The following PRPF39 variants were observed in gnomAD, a reference collection of about 807,000 sequenced individuals.
PRPF39 encodes the protein pre-mRNA-processing factor 39.
Under a neutral mutation model 82.1 loss-of-function variants are expected in PRPF39, and 27 were observed. That is an observed-to-expected ratio of 0.33 (90% CI 0.24 to 0.45). The LOEUF is 0.45. PRPF39 is among the 20% of genes least tolerant of loss of function. The pLI is 1.00. For synonymous variants in PRPF39, 261 were observed against 256.4 expected, an observed-to-expected ratio of 1.02 and a Z score of -0.17; for missense variants, 581 against 796.9, an observed-to-expected ratio of 0.73 and a Z score of 3.26.
chr14:45,102,728 T>C, intron 5 of PRPF39, 32 bp downstream of exon 5: 1 of 1,517,612 alleles, frequency 6.6e-7, no homozygotes, highest in Non-Finnish European at 9.0e-7. Context: ...TTGAAACATC[T>C]TTGATTACTC....
In PRPF39 at chr14:45,110,099, C is replaced by G. The variant is rs771901631; in HGVS notation, c.1182C>G (p.Ala394=). 6.2e-7 allele frequency: 1 copy of G among 1,613,084 alleles called. No individual in the cohort carries two copies. Among genetic ancestry groups the G allele is most frequent in the Non-Finnish European group, 8.5e-7 (1 of 1,179,340 alleles). The change falls in exon 9 of 14, where the codon GCC becomes GCG. Residue 394 remains alanine, a synonymous_variant. Transcript: ENST00000355765. This position sits in a 1 kb window ranked among gnomAD's most constrained non-coding sequence, Gnocchi z 4.0. ...TTCCTCTTTTCTGTATGTAGTATGC[C>G]AAGTACATGGAAAACCATAGCATTG... is the stretch of plus-strand genomic sequence containing the variant. The part of the protein sequence containing the change: ...ALYEEFWIKY[A]KYMENHSIEG...
At chr14:45,100,567 CT>C (rs2139051016) in intron 4 of PRPF39, among the ~76,000 whole-genome samples, 1 of 152,294 alleles carries the variant, frequency 6.6e-6, no homozygotes, top group East Asian at 1.9e-4. Context: ...ACCTTCTTGT[CT>C]TCTTCCCCTT....
intron 1 of PRPF39, among the ~76,000 whole-genome samples, chr14:45,094,165 T>G (rs1043825713): frequency 6.6e-6 from 1 of 152,120 alleles, no homozygotes; most frequent in Non-Finnish European, 1.5e-5. Flanking sequence ...AGTAAATCAG[T>G]TTTATGGTCT....
chr14:45,097,107 T>C (rs1244407660), intron 4 of PRPF39, 102 bp downstream of exon 4: 1 of 1,396,812 alleles, frequency 7.2e-7, no homozygotes, highest in Non-Finnish European at 9.3e-7. Context: ...TTAACTTCTA[T>C]TCCATTGTTA....
Position 45,116,234 on chromosome 14 carries a change from T to G in PRPF39, c.*1321T>G, listed in dbSNP as rs901207520. 6 of 1,612,728 alleles carry G rather than the reference T, an allele frequency of 3.7e-6. No individual in the cohort carries two copies. Among genetic ancestry groups the G allele is most frequent in the African/African-American group, 1.3e-5 (1 of 74,792 alleles). ...CCACTAATTCCACTTCAAAAGTGAG[T>G]TTTGCATTTGGTGGAATTCTGTTGA... On this transcript the variant is annotated 3_prime_UTR_variant, in exon 14 of 14. Transcript: ENST00000355765.
Position 45,110,539 on chromosome 14 carries a change from C to T in PRPF39, c.1304-10C>T. 1 of 1,547,552 alleles carries T rather than the reference C, an allele frequency of 6.5e-7. No homozygotes were observed. The highest frequency in any genetic ancestry group is 8.7e-7 in the Non-Finnish European group (1 of 1,143,186). ...AAACCAAAGCATAAACATTTAATTA[C>T]TGTTTCTAGGTAATATTAATGAAGC... is the stretch of plus-strand genomic sequence containing the variant. On this transcript the variant is annotated splice_polypyrimidine_tract_variant and intron_variant, in intron 9 of 13. Coordinates refer to ENST00000355765, the MANE Select transcript of PRPF39 (RefSeq NM_017922.4). The surrounding 1 kb of genome is among the most constrained non-coding windows in gnomAD (Gnocchi z 4.0).
intron 5 of PRPF39, among the ~76,000 whole-genome samples, chr14:45,106,064 G>C (rs1292223419): frequency 6.6e-6 from 1 of 151,958 alleles, no homozygotes; most frequent in Non-Finnish European, 1.5e-5. Context: ...GAAATGCTGA[G>C]GGTGGCGGGG....
chr14:45,106,031 G>A (rs1884521033), intron 5 of PRPF39, among the ~76,000 whole-genome samples: 1 of 152,090 alleles, frequency 6.6e-6, no homozygotes, highest in African/African-American at 2.4e-5. Flanking sequence ...TGTAGTGGTT[G>A]ACAGTACCAT....
At position 45,095,235 on chromosome 14, in the gene PRPF39, A is replaced by G. The variant is rs1046048848; in HGVS notation, c.-5A>G. On this transcript the variant is annotated 5_prime_UTR_variant, in exon 2 of 14. Coordinates refer to ENST00000355765, the MANE Select transcript of PRPF39 (RefSeq NM_017922.4). ...TGTTTCCACAGATCGTTAACTGAAGACAATATGCAAAATTCTCACATGGAT... is the reference window on the plus strand; with the variant it reads ...TGTTTCCACAGATCGTTAACTGAAGGCAATATGCAAAATTCTCACATGGAT... 1.5e-5 allele frequency: 23 copies of G among 1,570,346 alleles called. No individual in the cohort carries two copies. The highest frequency in any genetic ancestry group is 1.7e-5 in the Non-Finnish European group (20 of 1,150,480).
At chr14:45,107,930 G>A (rs1263701772) in intron 6 of PRPF39, among the ~76,000 whole-genome samples, 1 of 151,804 alleles carries the variant, frequency 6.6e-6, no homozygotes, top group Non-Finnish European at 1.5e-5. Context: ...CTCCATCTCG[G>A]GGGGAAAAAA....
At position 45,110,317 on chromosome 14, in the gene PRPF39, T is replaced by A; in HGVS notation, c.1303+97T>A. The A allele has an allele frequency of 6.7e-7, 1 of 1,482,380 alleles. No homozygotes were observed. The highest frequency in any genetic ancestry group is 9.1e-7 in the Non-Finnish European group (1 of 1,099,746). 91.8% of individuals were successfully genotyped at this position (1,482,380 alleles called of 1,614,324 possible). A position where few individuals can be genotyped will look rare whatever the true frequency, so the allele number is the denominator to read the frequency against. ...GGTAAGGGATGGTGTAAAGCAGAGT[T>A]TGGCAAACTTTTTCTCTAAAGGGCC... On this transcript the variant is annotated intron_variant, in intron 9 of 13. Coordinates refer to ENST00000355765, the MANE Select transcript of PRPF39 (RefSeq NM_017922.4). This position sits in a 1 kb window ranked among gnomAD's most constrained non-coding sequence, Gnocchi z 4.0.
In PRPF39 at chr14:45,109,655, G is replaced by T; in HGVS notation, c.1051G>T (p.Ala351Ser). 1.2e-6 allele frequency: 2 copies of T among 1,607,184 alleles called. No individual in the cohort carries two copies. Among genetic ancestry groups the T allele is most frequent in the Non-Finnish European group, 1.7e-6 (2 of 1,176,234 alleles). Reference protein sequence around the residue: ...PYFHVKPLEKAQLKNWKEYLE... With the variant: ...PYFHVKPLEKSQLKNWKEYLE... ...CTTTCATGTGAAACCTTTGGAAAAG[G>T]CACAACTAAAAAACTGGAAAGAATA... Residue 351 changes from alanine (A) to serine (S), a missense_variant, in exon 8 of 14, where the codon GCA (alanine) becomes TCA (serine). Physicochemically the swap from Ala to Ser is moderately conservative, Grantham distance 99. Transcript: ENST00000355765.
chr14:45,096,214 AAAC>A lies in PRPF39; in HGVS notation c.437_439del (p.Lys146_Pro147delinsThr). On this transcript the variant is annotated inframe_deletion, in exon 3 of 14. Coordinates refer to ENST00000355765, the MANE Select transcript of PRPF39 (RefSeq NM_017922.4). ...CCTTGAAAAGCGGCACGACAACATTAAACCATCAGATGAGGTGCGTACATCACT... is the reference window on the plus strand; with the variant it reads ...CCTTGAAAAGCGGCACGACAACATTACATCAGATGAGGTGCGTACATCACT... The A allele has an allele frequency of 6.3e-7, 1 of 1,594,290 alleles. No homozygotes were observed. The highest frequency in any genetic ancestry group is 8.5e-7 in the Non-Finnish European group (1 of 1,169,614).
chr14:45,115,917 A>C lies in PRPF39; in HGVS notation c.*1004A>C, dbSNP rs917768836. 5.3e-5 allele frequency: 19 copies of C among 357,162 alleles called. No individual in the cohort carries two copies. The highest frequency in any genetic ancestry group is 3.8e-4 in the African/African-American group (19 of 49,400). 22.1% of individuals were successfully genotyped at this position (357,162 alleles called of 1,614,324 possible). On this transcript the variant is annotated 3_prime_UTR_variant, in exon 14 of 14. Transcript: ENST00000355765. ...CACAGTCAGATCAAGACAGTGGATC[A>C]ATTTTTATTGAGCCACTTAAGTTTA... is the stretch of plus-strand genomic sequence containing the variant.
rs752685221 is a variant in PRPF39, at chr14:45,114,478, C to T, written c.1833-16C>T. ...TGTGGGAGTTTTGAAAGTTTCCATT[C>T]TGACGTTTTATATAGATCAGAAGAA... is the stretch of plus-strand genomic sequence containing the variant. On this transcript the variant is annotated splice_polypyrimidine_tract_variant and intron_variant, in intron 12 of 13. Coordinates refer to ENST00000355765, the MANE Select transcript of PRPF39 (RefSeq NM_017922.4). The T allele has an allele frequency of 4.5e-6, 7 of 1,547,598 alleles. No homozygotes were observed. Among genetic ancestry groups the T allele is most frequent in the Admixed American group, 4.5e-5 (2 of 44,392 alleles).
At chr14:45,114,681 T>G in intron 13 of PRPF39, 67 bp downstream of exon 13, 1 of 1,544,414 alleles carries the variant, frequency 6.5e-7, no homozygotes, top group Non-Finnish European at 8.7e-7. Context: ...TAGTTTCTTT[T>G]TTTTTAAAAA....
At position 45,106,812 on chromosome 14, in the gene PRPF39, G is replaced by T. The variant is rs1391733198; in HGVS notation, c.738-639G>T. ...GTAGCATTTAGGGCAGGTAAGAAGGGGAATAAGACATAGAGCAGCAGTCAG... is the reference window on the plus strand; with the variant it reads ...GTAGCATTTAGGGCAGGTAAGAAGGTGAATAAGACATAGAGCAGCAGTCAG... On this transcript the variant is annotated intron_variant, in intron 5 of 13. Coordinates refer to ENST00000355765, the MANE Select transcript of PRPF39 (RefSeq NM_017922.4). 2.0e-5 allele frequency among the ~76,000 whole-genome samples: 3 copies of T among 152,144 alleles called. No individual in the cohort carries two copies. In the East Asian group the frequency reaches 5.8e-4, roughly 29 times the overall value.
At chr14:45,108,379 T>G in intron 6 of PRPF39, 36 bp from the exon 7 acceptor site, 1 of 1,553,862 alleles carries the variant, frequency 6.4e-7, no homozygotes, top group Non-Finnish European at 8.6e-7. Context: ...AGTATACAGT[T>G]TGTGAGATTT....
At position 45,113,074 on chromosome 14, in the gene PRPF39, G is replaced by C. The variant is rs78176997; in HGVS notation, c.1757+572G>C. On this transcript the variant is annotated intron_variant, in intron 11 of 13. Coordinates refer to ENST00000355765, the MANE Select transcript of PRPF39 (RefSeq NM_017922.4). ...TGGCTAGAGCATTGCTGAAGTTCCAGTCTTATCTGATTGTAGTAAGCAAAT... is the reference window on the plus strand; with the variant it reads ...TGGCTAGAGCATTGCTGAAGTTCCACTCTTATCTGATTGTAGTAAGCAAAT... Among the ~76,000 whole-genome samples the C allele has an allele frequency of 5.0e-3, 766 of 152,328 alleles. 9 individuals carry two copies. The highest frequency in any genetic ancestry group is 0.017 in the African/African-American group (719 of 41,574).
Sources: allele counts gnomAD v4.1 joint callset (sites outside exome capture counted in the v4.1 genomes callset), GRCh38; gene constraint gnomAD v4.1.1; non-coding constraint Gnocchi (gnomAD v3.1); transcripts MANE v1.5; gene names NCBI Gene and HGNC (gene_info 2026-07-23, HGNC 2026-07-21).